TMEM167A: variants seen among roughly 807,000 people sequenced by gnomAD.
The protein encoded by TMEM167A is transmembrane protein 167A.
A neutral mutation model predicts 11.6 loss-of-function variants in TMEM167A; 8 were observed. The observed-to-expected ratio is 0.69, with a 90% CI of 0.40 to 1.24. TMEM167A has a LOEUF of 1.24. Among genes scored for constraint, TMEM167A ranks in the 50% most tolerant of loss-of-function variants. The probability of loss-of-function intolerance (pLI) is 0.01; values close to 1 mark genes in which losing one functional copy is unlikely to be tolerated. For missense variants in TMEM167A, 62 were observed against 87.0 expected (o/e 0.71, Z 1.14); for synonymous variants, 22 against 28.0 (o/e 0.79, Z 0.67).
chr5:83,060,779 G>A (rs186410849), intron 3 of TMEM167A, among the ~76,000 whole-genome samples: 280 of 151,486 alleles, frequency 1.8e-3, no homozygotes, highest in African/African-American at 6.2e-3. Flanking sequence ...TGCAGTGAGC[G>A]GAGATCGTGC....
At chr5:83,069,492 C>G (rs547585495) in intron 1 of TMEM167A, among the ~76,000 whole-genome samples, 1 of 151,662 alleles carries the variant, frequency 6.6e-6, no homozygotes, top group Non-Finnish European at 1.5e-5. Context: ...TTTTTCAGGG[C>G]CTTTAAGTCA....
At chr5:83,068,749 G>C (rs1744519540) in intron 1 of TMEM167A, among the ~76,000 whole-genome samples, 1 of 152,142 alleles carries the variant, frequency 6.6e-6, no homozygotes, top group Non-Finnish European at 1.5e-5. Context: ...AAAATGGTTG[G>C]AAAACAAATC....
At position 83,054,121 on chromosome 5, in the gene TMEM167A, T is replaced by C. The variant is rs966975897; in HGVS notation, c.*2963A>G. On this transcript the variant is annotated 3_prime_UTR_variant, in exon 4 of 4. Transcript: ENST00000502346. The stretch of plus-strand genomic sequence containing the variant: ...TGTCCTAACTAGACTGATCATCTTA[T>C]TACTAAGATGAAGGAATCTATTGCA... The C allele has an allele frequency of 6.6e-6, 1 of 152,054 alleles. No homozygotes were observed. The highest frequency in any genetic ancestry group is 2.4e-5 in the African/African-American group (1 of 41,420). The allele number at this position is 152,054 out of a possible 1,614,324, so 9.4% of individuals were successfully genotyped here. A position where few individuals can be genotyped will look rare whatever the true frequency, so the allele number is the denominator to read the frequency against.
chr5:83,064,042 A>G (rs1211973436), intron 2 of TMEM167A, among the ~76,000 whole-genome samples: 1 of 152,136 alleles, frequency 6.6e-6, no homozygotes, highest in Non-Finnish European at 1.5e-5. Flanking sequence ...GACTAGGCCT[A>G]TAAAATTTTC....
intron 2 of TMEM167A, among the ~76,000 whole-genome samples, chr5:83,063,245 T>C (rs763062236): frequency 4.6e-5 from 7 of 152,090 alleles, no homozygotes; most frequent in Non-Finnish European, 8.8e-5. Context: ...AGCAAGGTAT[T>C]GTATCTCTTT....
intron 1 of TMEM167A, among the ~76,000 whole-genome samples, chr5:83,072,421 T>C (rs772424991): frequency 1.3e-5 from 2 of 152,218 alleles, no homozygotes; most frequent in Non-Finnish European, 2.9e-5. Flanking sequence ...TGTCCTATCA[T>C]ATGGTATGAA....
chr5:83,067,768 C>G (rs1744505546), intron 1 of TMEM167A, among the ~76,000 whole-genome samples: 1 of 152,056 alleles, frequency 6.6e-6, no homozygotes, highest in South Asian at 2.1e-4. Context: ...CCACCTTGGC[C>G]TCCTAAAGTG....
chr5:83,059,090 G>A (rs1190251079), intron 3 of TMEM167A, among the ~76,000 whole-genome samples: 3 of 149,220 alleles, frequency 2.0e-5, no homozygotes, highest in Non-Finnish European at 4.4e-5. Flanking sequence ...TGGCAAGAAT[G>A]AACATTTAAA....
At chr5:83,057,210 G>T in intron 3 of TMEM167A, 56 bp from the exon 4 acceptor site, 1 of 1,484,774 alleles carries the variant, frequency 6.7e-7, no homozygotes, top group Non-Finnish European at 9.4e-7. Flanking sequence ...ACCTGGCTAT[G>T]ACAAGGTTAT....
In TMEM167A at chr5:83,054,696, GGGA is replaced by G; in HGVS notation, c.*2385_*2387del. ...TGGGGCCTACTTGAGGGTGGAGGGT[GGGA>G]GGAGGGAGAAGAGCAGGGAAAATAA... On this transcript the variant is annotated 3_prime_UTR_variant, in exon 4 of 4. Transcript: ENST00000502346. 6.6e-6 allele frequency: 1 copy of G among 152,104 alleles called. No homozygotes were observed. Among genetic ancestry groups the G allele is most frequent in the Admixed American group, 6.6e-5 (1 of 15,250 alleles). The allele number at this position is 152,104 out of a possible 1,614,324, so 9.4% of individuals were successfully genotyped here.
At chr5:83,073,220 C>A (rs986043794) in intron 1 of TMEM167A, among the ~76,000 whole-genome samples, 2 of 152,014 alleles carry the variant, frequency 1.3e-5, no homozygotes, top group African/African-American at 4.8e-5. Flanking sequence ...GCCAATAATA[C>A]GACTTTAATA....
rs1051340312 is a variant in TMEM167A, at chr5:83,054,782, T to C, written c.*2302A>G. On this transcript the variant is annotated 3_prime_UTR_variant, in exon 4 of 4. Transcript: ENST00000502346. Reference sequence around the variant, plus strand: ...AAAATAATCTGTACAACAAAACCACTTGACATGAGTTTACCTATATAACAA... The same window carrying C: ...AAAATAATCTGTACAACAAAACCACCTGACATGAGTTTACCTATATAACAA... 5 of 151,704 alleles carry C rather than the reference T, an allele frequency of 3.3e-5. No homozygotes were observed. Among genetic ancestry groups the C allele is most frequent in the Non-Finnish European group, 7.4e-5 (5 of 67,830 alleles). The allele number at this position is 151,704 out of a possible 1,614,324, so 9.4% of individuals were successfully genotyped here.
At chr5:83,072,050 TA>T (rs777827584) in intron 1 of TMEM167A, among the ~76,000 whole-genome samples, 1 of 152,204 alleles carries the variant, frequency 6.6e-6, no homozygotes, top group Admixed American at 6.5e-5. Flanking sequence ...ATATGATGAG[TA>T]AAACTACAGT....
rs1744279398 is a variant in TMEM167A, at chr5:83,052,922, CT to C, written c.*4161del. ...AGAGATGTGCATGATTCTCTGTACTCTTAAAATCACAGGAAATATAATTCCA... is the reference window on the plus strand; with the variant it reads ...AGAGATGTGCATGATTCTCTGTACTCTAAAATCACAGGAAATATAATTCCA... On this transcript the variant is annotated 3_prime_UTR_variant, in exon 4 of 4. Coordinates refer to ENST00000502346, the MANE Select transcript of TMEM167A (RefSeq NM_174909.5). 1 of 151,874 alleles carries C rather than the reference CT, an allele frequency of 6.6e-6. No homozygotes were observed. The highest frequency in any genetic ancestry group is 2.4e-5 in the African/African-American group (1 of 41,360). The allele number at this position is 151,874 out of a possible 1,614,324, so 9.4% of individuals were successfully genotyped here.
Position 83,054,183 on chromosome 5 carries a change from C to A in TMEM167A, c.*2901G>T, listed in dbSNP as rs1001625992. On this transcript the variant is annotated 3_prime_UTR_variant, in exon 4 of 4. Transcript: ENST00000502346. ...ACTATCATCCCCTGGTATGAAAGAG[C>A]GATTTTGAACCTGAACATATAAAAG... The A allele has an allele frequency of 6.6e-6, 1 of 151,990 alleles. No individual in the cohort carries two copies. The highest frequency in any genetic ancestry group is 3.4e-3 in the Middle Eastern group (1 of 294). The allele number at this position is 151,990 out of a possible 1,614,324, so 9.4% of individuals were successfully genotyped here. A position where few individuals can be genotyped will look rare whatever the true frequency, so the allele number is the denominator to read the frequency against.
chr5:83,071,871 A>G (rs1744566705), intron 1 of TMEM167A, among the ~76,000 whole-genome samples: 2 of 152,188 alleles, frequency 1.3e-5, no homozygotes, highest in African/African-American at 4.8e-5. Context: ...ATCCAAGTAT[A>G]AAAATTTGAC....
At chr5:83,057,727 T>G (rs1181730872) in intron 3 of TMEM167A, among the ~76,000 whole-genome samples, 1 of 152,150 alleles carries the variant, frequency 6.6e-6, no homozygotes, top group East Asian at 1.9e-4. Flanking sequence ...TGAGATAGTA[T>G]GCTTACTCTG....
intron 1 of TMEM167A, among the ~76,000 whole-genome samples, chr5:83,068,979 T>C (rs533408928): frequency 6.6e-6 from 1 of 152,340 alleles, no homozygotes; most frequent in South Asian, 2.1e-4. Flanking sequence ...CTTCTACCTC[T>C]TTATGTTTGA....
chr5:83,066,054 C>G (rs1399737606), intron 1 of TMEM167A, among the ~76,000 whole-genome samples: 1 of 152,024 alleles, frequency 6.6e-6, no homozygotes, highest in African/African-American at 2.4e-5. Flanking sequence ...ACATTGTTAT[C>G]AGATTATCAG....
Sources: allele counts gnomAD v4.1 joint callset (sites outside exome capture counted in the v4.1 genomes callset), GRCh38; gene constraint gnomAD v4.1.1; transcripts MANE v1.5; gene names NCBI Gene and HGNC (gene_info 2026-07-23, HGNC 2026-07-21).